DLG2: variants seen among roughly 807,000 people sequenced by gnomAD.
DLG2 encodes the protein disks large homolog 2.
DLG2 carries 45 observed loss-of-function variants against 132.5 expected under a neutral mutation model. The ratio of observed to expected loss-of-function variants is 0.34; its 90% CI spans 0.27 to 0.44. The LOEUF (loss-of-function observed/expected upper bound fraction) is 0.44, where lower values mean the gene tolerates loss of function less well. Ranked by LOEUF, DLG2 falls within the 20% of genes least tolerant of loss-of-function variation. The pLI is 1.00. For missense variants in DLG2, 1,045 were observed against 1,196.9 expected (o/e 0.87, Z 1.87); for synonymous variants, 424 against 419.6 (o/e 1.01, Z -0.13).
chr11:85,583,118 GTGTGTGTGTGTGTATATATATATATATA>G (rs1565717381), intron 3 of DLG2, among the ~76,000 whole-genome samples: 6 of 58,504 alleles, frequency 1.0e-4, no homozygotes, highest in South Asian at 7.4e-4. Context: ...GTGTGTGTGT[GTGTGTGTGTGTGTATATATATATATATA>G]TATATATATA....
At chr11:84,688,163 A>C (rs564715641) in intron 6 of DLG2, among the ~76,000 whole-genome samples, 1 of 152,262 alleles carries the variant, frequency 6.6e-6, no homozygotes, top group South Asian at 2.1e-4. Context: ...GCATAGAAAA[A>C]ATTTGTGTTG....
At chr11:84,086,491 CTT>C (rs66719037) in intron 10 of DLG2, among the ~76,000 whole-genome samples, 456 of 110,454 alleles carry the variant, frequency 4.1e-3, no homozygotes, top group African/African-American at 4.8e-3. Context: ...TTCTTTCTTT[CTT>C]TTTTTTTTTT....
chr11:84,433,870 A>G (rs1458691495), intron 7 of DLG2, among the ~76,000 whole-genome samples: 6 of 152,158 alleles, frequency 3.9e-5, no homozygotes, highest in Non-Finnish European at 8.8e-5. Context: ...TAATCCCAGC[A>G]CTTTGGGAGG....
intron 3 of DLG2, among the ~76,000 whole-genome samples, chr11:85,340,082 G>A (rs546670626): frequency 5.3e-5 from 8 of 152,286 alleles, no homozygotes; most frequent in South Asian, 2.1e-4. Context: ...ACAGTGTGGC[G>A]ATTCCTCAAG....
chr11:85,427,857 T>G (rs750687717), intron 3 of DLG2, among the ~76,000 whole-genome samples: 19 of 152,228 alleles, frequency 1.2e-4, no homozygotes, highest in Non-Finnish European at 2.4e-4. Context: ...TCAAGACCCA[T>G]CAGTGTGCTG....
At chr11:85,113,554 G>A (rs2073104468) in intron 5 of DLG2, among the ~76,000 whole-genome samples, 1 of 151,986 alleles carries the variant, frequency 6.6e-6, no homozygotes, top group African/African-American at 2.4e-5. Flanking sequence ...AAAAAGACTA[G>A]TGATGACACA....
chr11:83,860,739 G>C (rs560076696), intron 16 of DLG2, among the ~76,000 whole-genome samples: 1 of 152,078 alleles, frequency 6.6e-6, no homozygotes, highest in Non-Finnish European at 1.5e-5. Context: ...GGCCAGGCGT[G>C]GAATAATATG....
intron 7 of DLG2, among the ~76,000 whole-genome samples, chr11:84,271,148 A>G (rs1475726665): frequency 2.0e-5 from 3 of 152,216 alleles, no homozygotes; most frequent in African/African-American, 4.8e-5. Flanking sequence ...AATAATGGCT[A>G]TAATTTCTAA....
intron 9 of DLG2, among the ~76,000 whole-genome samples, chr11:84,122,657 G>C (rs780877563): frequency 1.3e-5 from 2 of 152,206 alleles, no homozygotes; most frequent in African/African-American, 2.4e-5. Flanking sequence ...GGCTTAAAAA[G>C]TGTTTATAAG....
At chr11:84,665,421 C>T (rs557020765) in intron 6 of DLG2, among the ~76,000 whole-genome samples, 2 of 152,242 alleles carry the variant, frequency 1.3e-5, no homozygotes, top group African/African-American at 2.4e-5. Flanking sequence ...AGATCTTACG[C>T]TATACCACCT....
chr11:84,363,832 G>A (rs11233995), intron 7 of DLG2, among the ~76,000 whole-genome samples: 22,512 of 150,968 alleles, frequency 0.15, 2,374 homozygotes, highest in African/African-American at 0.3. Flanking sequence ...GATATGCGGC[G>A]TTATTTCTGA....
intron 14 of DLG2, among the ~76,000 whole-genome samples, chr11:83,933,096 G>A (rs2080687818): frequency 6.6e-6 from 1 of 152,120 alleles, no homozygotes; most frequent in Non-Finnish European, 1.5e-5. Context: ...TGTGACCTCT[G>A]CCCATCAGAC....
chr11:83,888,384 C>A (rs1383090123), intron 15 of DLG2, among the ~76,000 whole-genome samples: 19 of 151,920 alleles, frequency 1.3e-4, no homozygotes, highest in South Asian at 2.1e-4. Context: ...CTAGGAATCC[C>A]ACTTACAAGG....
At chr11:84,625,265 A>G (rs1246850384) in intron 6 of DLG2, among the ~76,000 whole-genome samples, 2 of 152,164 alleles carry the variant, frequency 1.3e-5, no homozygotes. Flanking sequence ...TTCCTAGGAC[A>G]CTATTCATCA....
intron 3 of DLG2, among the ~76,000 whole-genome samples, chr11:85,493,512 G>A (rs955933139): frequency 2.0e-5 from 3 of 152,068 alleles, no homozygotes; most frequent in African/African-American, 7.2e-5. Context: ...ATAAACAATA[G>A]AAATTTAGCT....
At chr11:83,867,881 C>A (rs559310289) in intron 16 of DLG2, among the ~76,000 whole-genome samples, 1 of 151,960 alleles carries the variant, frequency 6.6e-6, no homozygotes, top group Non-Finnish European at 1.5e-5. Flanking sequence ...TGTGATGACA[C>A]CTTTTATATT....
At chr11:84,726,711 C>G (rs142922924) in intron 6 of DLG2, among the ~76,000 whole-genome samples, 2,578 of 152,264 alleles carry the variant, frequency 0.017, 33 homozygotes, top group South Asian at 0.054. Flanking sequence ...AATAGTTGAA[C>G]TAATTTACAC....
At position 83,464,688 on chromosome 11, in the gene DLG2, C is replaced by A. The variant is rs556089444; in HGVS notation, c.2729+2020G>T. Among the ~76,000 whole-genome samples, 10 of 152,336 alleles carry A rather than the reference C, an allele frequency of 6.6e-5. No individual in the cohort carries two copies. The South Asian group carries it at 2.1e-3, about 32-fold the overall frequency. ...TAAGTCATCTCATAGTTGTGGAAGG[C>A]AGTAGACCTTCTCCTATGGAATGCC... On this transcript the variant is annotated intron_variant, in intron 26 of 27. Transcript: ENST00000376104.
At chr11:83,819,047 G>A (rs1206881942) in intron 17 of DLG2, among the ~76,000 whole-genome samples, 1 of 152,176 alleles carries the variant, frequency 6.6e-6, no homozygotes, top group East Asian at 1.9e-4. Flanking sequence ...CAGAAACAGT[G>A]TGATTTTTTC....
Sources: allele counts gnomAD v4.1 joint callset (sites outside exome capture counted in the v4.1 genomes callset), GRCh38; gene constraint gnomAD v4.1.1; transcripts MANE v1.5; gene names NCBI Gene and HGNC (gene_info 2026-07-23, HGNC 2026-07-21).